TMEM135: variants seen among roughly 807,000 people sequenced by gnomAD.
The protein encoded by TMEM135 is peroxisomal membrane protein 52.
In TMEM135, 30 loss-of-function variants were observed where a neutral mutation model predicts 60.3. The observed-to-expected ratio is 0.50, with a 90% CI of 0.37 to 0.68. The LOEUF is 0.68. TMEM135 is among the 30% of genes least tolerant of loss of function. The probability of loss-of-function intolerance (pLI) is 0.00; values close to 1 mark genes in which losing one functional copy is unlikely to be tolerated. For missense variants in TMEM135, 468 were observed against 548.8 expected, an observed-to-expected ratio of 0.85 and a Z score of 1.47; for synonymous variants, 190 against 186.7, an observed-to-expected ratio of 1.02 and a Z score of -0.14.
chr11:87,278,499 G>T (rs1942005664), intron 6 of TMEM135, among the ~76,000 whole-genome samples: 1 of 151,234 alleles, frequency 6.6e-6, no homozygotes, highest in South Asian at 2.1e-4. Flanking sequence ...CCTATTAGCT[G>T]GGATTACAGG....
chr11:87,171,516 A>C (rs1939236390), intron 5 of TMEM135, among the ~76,000 whole-genome samples: 1 of 152,138 alleles, frequency 6.6e-6, no homozygotes, highest in Non-Finnish European at 1.5e-5. Flanking sequence ...AGGTAACCTC[A>C]TGACAAAATT....
chr11:87,257,895 A>T lies in TMEM135; in HGVS notation c.509+21211A>T, dbSNP rs75491038. Among the ~76,000 whole-genome samples the T allele has an allele frequency of 4.0e-3, 614 of 152,288 alleles. 3 individuals carry two copies. Among genetic ancestry groups the T allele is most frequent in the African/African-American group, 0.014 (573 of 41,558 alleles). ...CAATGGTATCTCAATAAAACTGTGAATGTATTTTTAAATATAAATCTGGCA... is the reference window on the plus strand; with the variant it reads ...CAATGGTATCTCAATAAAACTGTGATTGTATTTTTAAATATAAATCTGGCA... On this transcript the variant is annotated intron_variant, in intron 6 of 14. Transcript: ENST00000305494.
At chr11:87,128,140 C>G (rs1937790294) in intron 4 of TMEM135, among the ~76,000 whole-genome samples, 1 of 152,146 alleles carries the variant, frequency 6.6e-6, no homozygotes, top group Non-Finnish European at 1.5e-5. Context: ...TAGTAAAACA[C>G]TTGGTTTCTA....
chr11:87,319,294 C>T lies in TMEM135; in HGVS notation c.1177-16C>T. ...CATTTATATTTACTAAAAGAATTCT[C>T]AAATTTAATACTCAGGCTGTCATGG... On this transcript the variant is annotated splice_polypyrimidine_tract_variant and intron_variant, in intron 13 of 14. Coordinates refer to ENST00000305494, the MANE Select transcript of TMEM135 (RefSeq NM_022918.4). The T allele has an allele frequency of 2.5e-6, 4 of 1,604,316 alleles. No homozygotes were observed. The highest frequency in any genetic ancestry group is 3.4e-6 in the Non-Finnish European group (4 of 1,171,382).
chr11:87,280,224 C>T (rs1006989528), intron 6 of TMEM135, among the ~76,000 whole-genome samples: 1 of 152,034 alleles, frequency 6.6e-6, no homozygotes, highest in Admixed American at 6.6e-5. Flanking sequence ...AAAGTTTAAA[C>T]AAATAGTACC....
At chr11:87,230,762 C>T (rs534369497) in intron 5 of TMEM135, among the ~76,000 whole-genome samples, 2 of 151,980 alleles carry the variant, frequency 1.3e-5, no homozygotes, top group South Asian at 4.2e-4. Flanking sequence ...CTATATCTGT[C>T]CTGTCTGTTA....
Position 87,148,989 on chromosome 11 carries a change from G to A in TMEM135, c.397-8352G>A, listed in dbSNP as rs1292567063. Among the ~76,000 whole-genome samples the A allele has an allele frequency of 2.0e-5, 3 of 151,308 alleles. No homozygotes were observed. The East Asian group carries it at 5.8e-4, about 29-fold the overall frequency. ...CAAAATTTAACAGTTTGCTTTAAAC[G>A]TTTTAAAAATTTTCTAACTTAGCAC... On this transcript the variant is annotated intron_variant, in intron 4 of 14. Transcript: ENST00000305494.
Position 87,324,107 on chromosome 11 carries a change from G to A in TMEM135, c.*2774G>A, listed in dbSNP as rs1480082272. 14 of 453,914 alleles carry A rather than the reference G, an allele frequency of 3.1e-5. No homozygotes were observed. Among genetic ancestry groups the A allele is most frequent in the Non-Finnish European group, 5.3e-5 (12 of 226,780 alleles). 28.1% of individuals were successfully genotyped at this position (453,914 alleles called of 1,614,324 possible). A position where few individuals can be genotyped will look rare whatever the true frequency, so the allele number is the denominator to read the frequency against. On this transcript the variant is annotated 3_prime_UTR_variant, in exon 15 of 15. Coordinates refer to ENST00000305494, the MANE Select transcript of TMEM135 (RefSeq NM_022918.4). ...CACACAGTATTTTCTTGTTGTGCTC[G>A]AGTGTTCGTCTCCTTGTAGATTGTA...
At chr11:87,266,275 A>G (rs1941745097) in intron 6 of TMEM135, among the ~76,000 whole-genome samples, 1 of 152,140 alleles carries the variant, frequency 6.6e-6, no homozygotes. Context: ...ATTCCTGTCA[A>G]GATTATTTTA....
chr11:87,112,520 G>T (rs2513229), intron 4 of TMEM135, among the ~76,000 whole-genome samples: 83,453 of 151,832 alleles, frequency 0.55, 23,757 homozygotes, highest in East Asian at 0.71. Flanking sequence ...AGCGAAGAAC[G>T]GTGTCTTTCC....
At chr11:87,246,033 T>G (rs1941260756) in intron 6 of TMEM135, among the ~76,000 whole-genome samples, 1 of 146,328 alleles carries the variant, frequency 6.8e-6, no homozygotes, top group Non-Finnish European at 1.5e-5. Flanking sequence ...AGGAACTCTT[T>G]TAGGGCAGGC....
At chr11:87,147,284 C>T (rs1938442192) in intron 4 of TMEM135, among the ~76,000 whole-genome samples, 1 of 152,336 alleles carries the variant, frequency 6.6e-6, no homozygotes, top group South Asian at 2.1e-4. Flanking sequence ...GATCGTGCCA[C>T]TACACTCCAG....
At chr11:87,280,908 A>G (rs1353912980) in intron 6 of TMEM135, among the ~76,000 whole-genome samples, 3 of 152,196 alleles carry the variant, frequency 2.0e-5, no homozygotes, top group African/African-American at 4.8e-5. Context: ...AGCGTGATGA[A>G]CATGCCTATC....
Position 87,071,626 on chromosome 11 carries a change from A to T in TMEM135, c.362+11A>T, listed in dbSNP as rs771445532. On this transcript the variant is annotated intron_variant, in intron 3 of 14. Coordinates refer to ENST00000305494, the MANE Select transcript of TMEM135 (RefSeq NM_022918.4). ...TGAAAGAAAAAGCAGGTAAAATTTC[A>T]TATATTTATTTAACGGAACTGATTA... 4.3e-6 allele frequency: 7 copies of T among 1,611,210 alleles called. No homozygotes were observed. In the East Asian group the frequency reaches 1.3e-4, roughly 31 times the overall value.
intron 5 of TMEM135, among the ~76,000 whole-genome samples, chr11:87,189,074 C>A (rs1160180303): frequency 1.4e-5 from 2 of 139,712 alleles, no homozygotes; most frequent in African/African-American, 5.2e-5. Context: ...TTTTTCTTTC[C>A]TTTCCTTTCT....
At chr11:87,173,847 A>G (rs1349216593) in intron 5 of TMEM135, among the ~76,000 whole-genome samples, 1 of 152,118 alleles carries the variant, frequency 6.6e-6, no homozygotes. Context: ...TGTGTGAGTC[A>G]TGATATTTGG....
chr11:87,053,267 T>C lies in TMEM135; in HGVS notation c.142-14427T>C, dbSNP rs113088872. Among the ~76,000 whole-genome samples the C allele has an allele frequency of 2.6e-3, 366 of 142,802 alleles. 2 individuals are homozygous for C. The highest frequency in any genetic ancestry group is 9.4e-3 in the African/African-American group (351 of 37,338). 93.7% of individuals were successfully genotyped at this position (142,802 alleles called of 152,430 possible). ...GTGAGTTATGACTTTGAGAAAAAAA[T>C]TCGTGCCTCAATTTGTGCATAAGCA... On this transcript the variant is annotated intron_variant, in intron 1 of 14. Coordinates refer to ENST00000305494, the MANE Select transcript of TMEM135 (RefSeq NM_022918.4).
At chr11:87,179,563 A>T (rs796537720) in intron 5 of TMEM135, among the ~76,000 whole-genome samples, 1 of 152,174 alleles carries the variant, frequency 6.6e-6, no homozygotes, top group Non-Finnish European at 1.5e-5. Context: ...TTCAGATCAT[A>T]TAAGTCTTTG....
chr11:87,098,951 G>A (rs1857392168), intron 4 of TMEM135, among the ~76,000 whole-genome samples: 1 of 152,138 alleles, frequency 6.6e-6, no homozygotes, highest in Non-Finnish European at 1.5e-5. Context: ...GCCTCCCAAA[G>A]TGCTTGGATT....
Sources: allele counts gnomAD v4.1 joint callset (sites outside exome capture counted in the v4.1 genomes callset), GRCh38; gene constraint gnomAD v4.1.1; transcripts MANE v1.5; gene names NCBI Gene and HGNC (gene_info 2026-07-23, HGNC 2026-07-21).